Variants in FBXO3 observed in about 807,000 individuals in gnomAD.
FBXO3 encodes the protein F-box only protein 3.
In FBXO3, 17 loss-of-function variants were observed where a neutral mutation model predicts 64.8. The observed-to-expected ratio is 0.26, with a 90% CI of 0.18 to 0.39. The LOEUF is 0.39. Among genes scored for constraint, FBXO3 ranks in the 10% least tolerant of loss-of-function variants. The pLI is 1.00. For synonymous variants in FBXO3, 182 were observed against 201.6 expected, an observed-to-expected ratio of 0.90 and a Z score of 0.82; for missense variants, 420 against 589.9, an observed-to-expected ratio of 0.71 and a Z score of 2.98.
chr11:33,741,949 C>T lies in FBXO3; in HGVS notation c.1375G>A (p.Asp459Asn). The change falls in exon 11 of 11, where the codon GAT becomes AAT. Residue 459 changes from aspartate (D) to asparagine (N), a missense_variant. By Grantham distance (23) the Asp-to-Asn change is conservative (BLOSUM62 1). This residue lies in a region of FBXO3 where 57 missense variants were observed against 55.4 expected (regional missense o/e 1.03). Transcript: ENST00000265651. The stretch of plus-strand genomic sequence containing the variant: ...CAGCGGCGTCTGCGAATGGGAACAT[C>T]AAAGACTCTCCTCCGTCTCTCCTCT... The part of the protein sequence containing the change: ...DEEERRRRVF[D>N]VPIRRRRCSR... 6.2e-7 allele frequency: 1 copy of T among 1,613,852 alleles called. No homozygotes were observed. The highest frequency in any genetic ancestry group is 8.5e-7 in the Non-Finnish European group (1 of 1,179,858).
At chr11:33,744,178 A>C (rs1854755860) in intron 10 of FBXO3, 1 of 152,206 alleles carries the variant, frequency 6.6e-6, no homozygotes, top group Non-Finnish European at 1.5e-5. Flanking sequence ...AAAGGTGGGA[A>C]AGGGAAAGGC....
At chr11:33,772,780 A>G (rs368234145) in intron 1 of FBXO3, 53 of 152,302 alleles carry the variant, frequency 3.5e-4, no homozygotes, top group African/African-American at 1.1e-3. Context: ...CTCAACACTT[A>G]ACAGACTGGC....
intron 10 of FBXO3, chr11:33,745,855 C>G (rs916265027): frequency 6.6e-6 from 1 of 151,896 alleles, no homozygotes; most frequent in African/African-American, 2.4e-5. Flanking sequence ...TTTAAATGAT[C>G]AATAAAAATT....
At position 33,774,512 on chromosome 11, in the gene FBXO3, T is replaced by TGCAGGTCTGGCCCCGC; in HGVS notation, c.-16_-15insGCGGGGCCAGACCTGC. 6.6e-7 allele frequency: 1 copy of TGCAGGTCTGGCCCCGC among 1,504,842 alleles called. No homozygotes were observed. Among genetic ancestry groups the TGCAGGTCTGGCCCCGC allele is most frequent in the Non-Finnish European group, 8.9e-7 (1 of 1,127,704 alleles). 93.2% of individuals were successfully genotyped at this position (1,504,842 alleles called of 1,614,324 possible). A position where few individuals can be genotyped will look rare whatever the true frequency, so the allele number is the denominator to read the frequency against. On this transcript the variant is annotated 5_prime_UTR_variant, in exon 1 of 11. Transcript: ENST00000265651. ...ATGGCCGCCATCTTGCCTGGCCCGG[T>TGCAGGTCTGGCCCCGC]GCAGGTCTGGCCCCGCCCTGGCCCC...
At chr11:33,750,903 G>A (rs1854940545) in intron 7 of FBXO3, among the ~76,000 whole-genome samples, 1 of 152,106 alleles carries the variant, frequency 6.6e-6, no homozygotes, top group Non-Finnish European at 1.5e-5. Flanking sequence ...TTCAAATAAC[G>A]GATTGGTAAT....
chr11:33,745,063 A>T (rs867693455), intron 10 of FBXO3: 1 of 152,170 alleles, frequency 6.6e-6, no homozygotes, highest in Non-Finnish European at 1.5e-5. Flanking sequence ...ACACACCTCA[A>T]TGCTCTTTGA....
chr11:33,747,029 T>A, intron 10 of FBXO3, 101 bp downstream of exon 10: 1 of 1,532,276 alleles, frequency 6.5e-7, no homozygotes. Flanking sequence ...TCTCTAGGGT[T>A]CTCTGGAACA....
intron 5 of FBXO3, among the ~76,000 whole-genome samples, chr11:33,754,869 C>CT (rs35020100): frequency 0.6 from 86,066 of 144,034 alleles, 25,573 homozygotes; most frequent in East Asian, 0.72. Flanking sequence ...AAAGCATTTT[C>CT]TTTTTTTTTT....
At chr11:33,759,320 G>A (rs1449086654) in intron 3 of FBXO3, among the ~76,000 whole-genome samples, 1 of 152,190 alleles carries the variant, frequency 6.6e-6, no homozygotes, top group Non-Finnish European at 1.5e-5. Flanking sequence ...AAGAATTGCT[G>A]TCAATTCTGA....
intron 4 of FBXO3, among the ~76,000 whole-genome samples, chr11:33,756,575 C>T (rs1373113520): frequency 6.6e-6 from 1 of 152,194 alleles, no homozygotes; most frequent in Non-Finnish European, 1.5e-5. Context: ...ACCTATTGGT[C>T]ATGTCAGTTC....
At position 33,770,731 on chromosome 11, in the gene FBXO3, G is replaced by T; in HGVS notation, c.194+10C>A. The T allele has an allele frequency of 1.9e-6, 3 of 1,603,656 alleles. No homozygotes were observed. The highest frequency in any genetic ancestry group is 2.6e-6 in the Non-Finnish European group (3 of 1,171,976). ...CAGTTTTCAGAAGTACATATTCCTC[G>T]AATACTCACTCAGATATCAGCCAGT... is the stretch of plus-strand genomic sequence containing the variant. On this transcript the variant is annotated intron_variant, in intron 2 of 10. Coordinates refer to ENST00000265651, the MANE Select transcript of FBXO3 (RefSeq NM_012175.4).
At chr11:33,742,227 A>T (rs1854704897) in intron 10 of FBXO3, 143 bp from the exon 11 acceptor site, 2 of 631,672 alleles carry the variant, frequency 3.2e-6, no homozygotes, top group Non-Finnish European at 5.0e-6. Context: ...GGATTCTCAC[A>T]ACACACATGC....
At chr11:33,746,833 G>T in intron 10 of FBXO3, 1 of 1,413,064 alleles carries the variant, frequency 7.1e-7, no homozygotes, top group Non-Finnish European at 9.2e-7. Flanking sequence ...TGTTTTCCCA[G>T]TCTTAAAGCT....
intron 6 of FBXO3, 128 bp downstream of exon 6, chr11:33,754,327 A>G (rs1855036360): frequency 1.4e-6 from 1 of 698,294 alleles, no homozygotes; most frequent in African/African-American, 1.8e-5. Context: ...TAAACCAGCA[A>G]ACCTTAAAGA....
chr11:33,769,042 A>C, intron 2 of FBXO3, 28 bp from the exon 3 acceptor site: 1 of 1,549,932 alleles, frequency 6.5e-7, no homozygotes, highest in Non-Finnish European at 8.8e-7. Flanking sequence ...ATGAGATTTT[A>C]AATCTTTTAA....
At chr11:33,768,458 T>C (rs1855429385) in intron 3 of FBXO3, among the ~76,000 whole-genome samples, 1 of 152,176 alleles carries the variant, frequency 6.6e-6, no homozygotes, top group Non-Finnish European at 1.5e-5. Flanking sequence ...CATTTACTTG[T>C]ACTGAAAATA....
rs1177545107 is a variant in FBXO3, at chr11:33,747,250, T to C, written c.1119A>G (p.Ser373=). The change falls in exon 10 of 11, where the codon TCA becomes TCG. Residue 373 remains serine (S), a synonymous_variant. Transcript: ENST00000265651. ...AGGTATAATATCCTTCCATGTATCC[T>C]GATGTTGTAGAGAATGTGGTACAGC... The part of the protein sequence containing the change: ...YTSCTTFSTT[S]GYMEGYYTFH... 6.2e-7 allele frequency: 1 copy of C among 1,613,332 alleles called. No homozygotes were observed. Among genetic ancestry groups the C allele is most frequent in the African/African-American group, 1.3e-5 (1 of 74,854 alleles).
rs576701888 is a variant in FBXO3 at position 33,774,380 on chromosome 11, T to A, written c.104+14A>T. ...CCCATGCCCCCACCCCTGCCATGCG[T>A]GTCGTCCCATTACTTGATTAGATCC... On this transcript the variant is annotated intron_variant, in intron 1 of 10. Transcript: ENST00000265651. The A allele has an allele frequency of 6.4e-7, 1 of 1,558,824 alleles. No individual in the cohort carries two copies. The highest frequency in any genetic ancestry group is 1.4e-5 in the African/African-American group (1 of 72,976).
chr11:33,759,050 C>G (rs112696481), intron 3 of FBXO3, among the ~76,000 whole-genome samples: 25 of 152,262 alleles, frequency 1.6e-4, no homozygotes, highest in African/African-American at 5.5e-4. Context: ...AGGCCATTAA[C>G]TTGAACTCTA....
Sources: allele counts gnomAD v4.1 joint callset (sites outside exome capture counted in the v4.1 genomes callset), GRCh38; gene constraint gnomAD v4.1.1; regional missense constraint gnomAD v4.1.1; transcripts MANE v1.5; gene names NCBI Gene and HGNC (gene_info 2026-07-23, HGNC 2026-07-21).